EPYC: variants seen among roughly 807,000 people sequenced by gnomAD.
EPYC encodes epiphycan, also known as dermatan sulfate proteoglycan 3.
In EPYC, 28 loss-of-function variants were observed where a neutral mutation model predicts 30.1. The ratio of observed to expected loss-of-function variants is 0.93; its 90% CI spans 0.69 to 1.28. The LOEUF (loss-of-function observed/expected upper bound fraction) is 1.28, where lower values mean the gene tolerates loss of function less well. Ranked by LOEUF, EPYC falls within the 50% of genes most tolerant of loss-of-function variation. The pLI, the probability that EPYC is intolerant of heterozygous loss-of-function variation, is 0.00. For synonymous variants in EPYC, 144 were observed against 141.4 expected (o/e 1.02, Z -0.13); for missense variants, 382 against 383.5 (o/e 1.00, Z 0.03).
intron 2 of EPYC, among the ~76,000 whole-genome samples, chr12:90,994,609 A>T (rs374401211): frequency 2.6e-5 from 4 of 152,170 alleles, no homozygotes. Flanking sequence ...ATTATTCTTT[A>T]GTGTGTGTGT....
chr12:90,965,452 G>A (rs1420518683), intron 6 of EPYC, among the ~76,000 whole-genome samples: 1 of 152,072 alleles, frequency 6.6e-6, no homozygotes, highest in Non-Finnish European at 1.5e-5. Context: ...CAAAGTAGGT[G>A]CACCATTTTA....
rs1294248934 is a variant in EPYC at position 91,002,578 on chromosome 12, C to CA, written c.-13-1_-13insT. On this transcript the variant is annotated splice_region_variant and 5_prime_UTR_variant. Transcript: ENST00000261172. ...CTAATGTCTTCATTTTTCAAGCTTTCCTAATTATAAAATATTAAAATGCAT... is the reference window on the plus strand; with the variant it reads ...CTAATGTCTTCATTTTTCAAGCTTTCACTAATTATAAAATATTAAAATGCAT... 1 of 1,592,980 alleles carries CA rather than the reference C, an allele frequency of 6.3e-7. No homozygotes were observed. The highest frequency in any genetic ancestry group is 8.5e-7 in the Non-Finnish European group (1 of 1,171,886).
At chr12:90,994,630 G>C (rs1877658163) in intron 2 of EPYC, among the ~76,000 whole-genome samples, 1 of 152,098 alleles carries the variant, frequency 6.6e-6, no homozygotes, top group South Asian at 2.1e-4. Context: ...TAATGGTTAT[G>C]TGCTCAAGCA....
intron 2 of EPYC, among the ~76,000 whole-genome samples, chr12:90,999,895 T>C (rs993241261): frequency 6.6e-6 from 1 of 152,142 alleles, no homozygotes; most frequent in African/African-American, 2.4e-5. Context: ...TCATCTTATT[T>C]ACTTTATCAT....
At chr12:90,977,956 T>C in intron 3 of EPYC, 132 bp downstream of exon 3, 1 of 565,498 alleles carries the variant, frequency 1.8e-6, no homozygotes, top group Non-Finnish European at 2.9e-6. Context: ...TGTATAAATA[T>C]GCTTCAAACC....
intron 3 of EPYC, among the ~76,000 whole-genome samples, chr12:90,974,909 A>T (rs751635074): frequency 3.9e-5 from 6 of 152,058 alleles, no homozygotes; most frequent in Non-Finnish European, 8.8e-5. Flanking sequence ...ATGTCCTGAA[A>T]TTTCTCAGTG....
At chr12:91,002,801 G>A (rs1213963601) in intron 1 of EPYC, among the ~76,000 whole-genome samples, 2 of 151,872 alleles carry the variant, frequency 1.3e-5, no homozygotes, top group Non-Finnish European at 2.9e-5. Flanking sequence ...ATTTTACAGT[G>A]GATATTTTAA....
intron 2 of EPYC, among the ~76,000 whole-genome samples, chr12:90,986,210 G>A (rs879520633): frequency 6.6e-6 from 1 of 151,856 alleles, no homozygotes; most frequent in Non-Finnish European, 1.5e-5. Context: ...ATTCAGAGGG[G>A]CAAAAAATGC....
At chr12:90,987,016 T>A (rs1027771688) in intron 2 of EPYC, among the ~76,000 whole-genome samples, 1 of 152,154 alleles carries the variant, frequency 6.6e-6, no homozygotes, top group African/African-American at 2.4e-5. Flanking sequence ...ATCATGGCAA[T>A]TTTTGATACA....
chr12:90,999,707 A>G (rs900909136), intron 2 of EPYC, among the ~76,000 whole-genome samples: 1 of 152,130 alleles, frequency 6.6e-6, no homozygotes, highest in Non-Finnish European at 1.5e-5. Context: ...CCAGGACTGC[A>G]TGAAGAAATT....
chr12:91,001,256 T>C (rs1877816277), intron 2 of EPYC, among the ~76,000 whole-genome samples: 1 of 152,112 alleles, frequency 6.6e-6, no homozygotes. Context: ...TAGTATCTTC[T>C]TAGTAAAGAT....
chr12:90,997,661 T>A (rs1354249051), intron 2 of EPYC, among the ~76,000 whole-genome samples: 1 of 152,080 alleles, frequency 6.6e-6, no homozygotes, highest in Non-Finnish European at 1.5e-5. Context: ...GAAAAATGTT[T>A]TCCTAGACTA....
intron 4 of EPYC, 56 bp downstream of exon 4, chr12:90,972,766 A>G (rs1013494959): frequency 1.4e-6 from 2 of 1,448,058 alleles, no homozygotes; most frequent in Non-Finnish European, 1.9e-6. Flanking sequence ...TTAACAATGT[A>G]AAAATTTAAA....
intron 2 of EPYC, among the ~76,000 whole-genome samples, chr12:90,999,996 T>TA (rs929776092): frequency 1.3e-5 from 2 of 152,086 alleles, no homozygotes; most frequent in Admixed American, 6.6e-5. Flanking sequence ...ATAAATATTT[T>TA]AAAAAACTAC....
At chr12:91,000,882 A>G (rs1877807330) in intron 2 of EPYC, among the ~76,000 whole-genome samples, 1 of 152,142 alleles carries the variant, frequency 6.6e-6, no homozygotes, top group Non-Finnish European at 1.5e-5. Flanking sequence ...TATATTCTAC[A>G]TTGATGCATC....
At chr12:90,973,491 A>G (rs1403006760) in intron 3 of EPYC, among the ~76,000 whole-genome samples, 1 of 152,246 alleles carries the variant, frequency 6.6e-6, no homozygotes, top group Non-Finnish European at 1.5e-5. Context: ...GCTTTGTGAA[A>G]TGAATGTTAA....
intron 3 of EPYC, among the ~76,000 whole-genome samples, chr12:90,974,232 G>A (rs1416553260): frequency 6.7e-6 from 1 of 149,562 alleles, no homozygotes; most frequent in Non-Finnish European, 1.5e-5. Context: ...TAAGGGAAAG[G>A]AAATAATCAA....
intron 1 of EPYC, among the ~76,000 whole-genome samples, chr12:91,003,303 G>GA (rs936180789): frequency 4.6e-5 from 7 of 151,590 alleles, no homozygotes; most frequent in Admixed American, 3.3e-4. Context: ...AAATAGAATA[G>GA]AAAAAAAATT....
intron 2 of EPYC, among the ~76,000 whole-genome samples, chr12:90,988,290 GCTT>G (rs1877501104): frequency 6.6e-6 from 1 of 152,072 alleles, no homozygotes; most frequent in Non-Finnish European, 1.5e-5. Context: ...ATTAGGAGCA[GCTT>G]CTTTATTCTT....
Sources: gnomAD v4.1 joint callset for allele counts (sites outside exome capture counted in the v4.1 genomes callset) on GRCh38, gnomAD v4.1.1 for gene constraint, MANE v1.5 for transcripts, NCBI Gene and HGNC (gene_info 2026-07-23, HGNC 2026-07-21) for gene names.